The following RP1L1 variants were observed in gnomAD, a reference collection of about 807,000 sequenced individuals.
RP1L1 encodes the protein retinitis pigmentosa 1-like 1 protein.
RP1L1 carries 27 observed loss-of-function variants against 15.7 expected under a neutral mutation model. That is an observed-to-expected ratio of 1.72 (90% CI 1.27 to 2.38). The LOEUF (loss-of-function observed/expected upper bound fraction) is 2.38, where lower values mean the gene tolerates loss of function less well. Ranked by LOEUF, RP1L1 falls within the 30% of genes most tolerant of loss-of-function variation. The pLI, the probability that RP1L1 is intolerant of heterozygous loss-of-function variation, is 0.00. For missense variants in RP1L1, 4,798 were observed against 3,075.9 expected, an observed-to-expected ratio of 1.56 and a Z score of -13.24; for synonymous variants, 1,813 against 1,276.7, an observed-to-expected ratio of 1.42 and a Z score of -8.96.
chr8:10,627,650 A>T (rs1207948564), intron 1 of RP1L1, among the ~76,000 whole-genome samples: 16 of 2,678 alleles, frequency 6.0e-3, no homozygotes, highest in African/African-American at 0.018. Context: ...ACGAGATATA[A>T]AAAAAAAAGT....
chr8:10,607,736 G>T lies in RP1L1; in HGVS notation c.6362C>A (p.Thr2121Asn), dbSNP rs1041793748. The T allele has an allele frequency of 6.3e-7, 1 of 1,599,106 alleles. No homozygotes were observed. The highest frequency in any genetic ancestry group is 1.1e-5 in the South Asian group (1 of 90,468). Reference protein sequence around the residue: ...QKAEGIEAPETEGEAQPESEG... With the variant: ...QKAEGIEAPENEGEAQPESEG... ...TGACTCTGGCTGGGCCTCCCCTTCA[G>T]TCTCTGGGGCCTCTATACCTTCTGC... The change falls in exon 4 of 4, where the codon ACT becomes AAT. Residue 2121 changes from threonine to asparagine, a missense_variant. Thr to Asn is a moderately conservative substitution (Grantham distance 65, BLOSUM62 0). Transcript: ENST00000382483.
chr8:10,607,159 GTCTT>G lies in RP1L1; in HGVS notation c.6935_6938del (p.Lys2312ThrfsTer86). ...CTCCAAGTACATGGTCATTTTCTGAGTCTTTCTGCCAGCAGTTGCCCCAAGAGGA... is the reference window on the plus strand; with the variant it reads ...CTCCAAGTACATGGTCATTTTCTGAGTCTGCCAGCAGTTGCCCCAAGAGGA... On this transcript the variant is annotated frameshift_variant, in exon 4 of 4. Transcript: ENST00000382483. LOFTEE classifies it low-confidence loss of function (END_TRUNC). 6.2e-7 allele frequency: 1 copy of G among 1,614,218 alleles called. No homozygotes were observed.
chr8:10,632,246 T>G (rs1280821537), intron 1 of RP1L1, among the ~76,000 whole-genome samples: 1 of 152,190 alleles, frequency 6.6e-6, no homozygotes. Context: ...CTGCTTAGAT[T>G]TAGCTATAAC....
intron 1 of RP1L1, among the ~76,000 whole-genome samples, chr8:10,629,948 G>C (rs772960435): frequency 6.6e-5 from 10 of 152,150 alleles, no homozygotes; most frequent in South Asian, 2.1e-4. Context: ...ACACCACGTA[G>C]GCATCAAGGT....
rs1201636110 is a variant in RP1L1 at position 10,612,681 on chromosome 8, G to A, written c.1417C>T (p.Pro473Ser). The A allele has an allele frequency of 1.2e-6, 2 of 1,602,598 alleles. No homozygotes were observed. The highest frequency in any genetic ancestry group is 3.3e-5 in the Admixed American group (2 of 59,910). ...TCCACCCCGTCCTCCGGGGTCCTGG[G>A]GCAGCAGGAGGACTCTGGCTCCGAG... ...EGSEPESSCCPRTPEDGVDSA... is the reference protein window; with the variant it reads ...EGSEPESSCCSRTPEDGVDSA... Residue 473 changes from proline (P) to serine (S), a missense_variant, in exon 4 of 4, where the codon CCC (proline) becomes TCC (serine). Physicochemically the swap from Pro to Ser is moderately conservative, Grantham distance 74. Transcript: ENST00000382483.
At position 10,607,102 on chromosome 8, in the gene RP1L1, C is replaced by A. The variant is rs747379325; in HGVS notation, c.6996G>T (p.Gly2332=). The change falls in exon 4 of 4, where the codon GGG becomes GGT. Residue 2332 remains glycine, a synonymous_variant. Coordinates refer to ENST00000382483, the MANE Select transcript of RP1L1 (RefSeq NM_178857.6). Reference sequence around the variant, plus strand: ...TGGCCTTCCTCTCTGCATGAGGGGTCCCCGTGGACTTGGCATCAGGGCTCC... The same window carrying A: ...TGGCCTTCCTCTCTGCATGAGGGGTACCCGTGGACTTGGCATCAGGGCTCC... The part of the protein sequence containing the change: ...DTRSPDAKST[G]TPHAERKATR... 1 of 1,614,164 alleles carries A rather than the reference C, an allele frequency of 6.2e-7. No homozygotes were observed. Among genetic ancestry groups the A allele is most frequent in the Admixed American group, 1.7e-5 (1 of 60,034 alleles).
In RP1L1 at chr8:10,609,860, GC is replaced by G. The variant is rs1299532391; in HGVS notation, c.4237del (p.Ala1413ProfsTer73). 1 of 1,613,438 alleles carries G rather than the reference GC, an allele frequency of 6.2e-7. No homozygotes were observed. The highest frequency in any genetic ancestry group is 1.7e-5 in the Admixed American group (1 of 59,958). On this transcript the variant is annotated frameshift_variant, in exon 4 of 4. Coordinates refer to ENST00000382483, the MANE Select transcript of RP1L1 (RefSeq NM_178857.6). LOFTEE classifies it low-confidence loss of function (END_TRUNC). ...GGAGCCTTTCCCATCCGGAGAGCTG[GC>G]CTCTGACAATTCCTGCCCGTGGACG... is the stretch of plus-strand genomic sequence containing the variant. Reference protein sequence around the residue: ...GSVHGQELSEASSPDGKGSQE... With the variant: ...GSVHGQELSEXSSPDGKGSQE...
At chr8:10,627,641 C>T (rs554655751) in intron 1 of RP1L1, among the ~76,000 whole-genome samples, 7 of 55,496 alleles carry the variant, frequency 1.3e-4, no homozygotes, top group South Asian at 7.9e-4. Context: ...TATCACAATA[C>T]GAGATATAAA....
In RP1L1 at chr8:10,611,456, G is replaced by A. The variant is rs1304743458; in HGVS notation, c.2642C>T (p.Ala881Val). 5 of 1,571,234 alleles carry A rather than the reference G, an allele frequency of 3.2e-6. No homozygotes were observed. The highest frequency in any genetic ancestry group is 1.3e-5 in the African/African-American group (1 of 74,360). ...GSTGSSHQSTARGPGGSPQEG... is the reference protein window; with the variant it reads ...GSTGSSHQSTVRGPGGSPQEG... ...CTGCGGGCTCCCACCTGGCCCCCGG[G>A]CAGTGCTTTGGTGGCTGCTGCCGGT... Residue 881 changes from alanine to valine, a missense_variant, in exon 4 of 4, where the codon GCC (alanine) becomes GTC (valine). By Grantham distance (64) the Ala-to-Val change is moderately conservative. Coordinates refer to ENST00000382483, the MANE Select transcript of RP1L1 (RefSeq NM_178857.6).
At chr8:10,615,496 G>A (rs1467848456) in intron 3 of RP1L1, among the ~76,000 whole-genome samples, 2 of 152,176 alleles carry the variant, frequency 1.3e-5, no homozygotes, top group African/African-American at 4.8e-5. Flanking sequence ...TGCAACGCCA[G>A]GCACACGGCC....
rs976210041 is a variant in RP1L1 at position 10,629,620 on chromosome 8, G to A, written c.-19-6400C>T. ...AATCAACAATTGCATTTTATTGTCA[G>A]CAACAGAGACCCTCCCCATAAATGA... is the stretch of plus-strand genomic sequence containing the variant. On this transcript the variant is annotated intron_variant, in intron 1 of 3. Coordinates refer to ENST00000382483, the MANE Select transcript of RP1L1 (RefSeq NM_178857.6). Among the ~76,000 whole-genome samples the A allele has an allele frequency of 3.3e-5, 5 of 152,128 alleles. No individual in the cohort carries two copies. In the East Asian group the frequency reaches 5.8e-4, roughly 18 times the overall value.
intron 1 of RP1L1, among the ~76,000 whole-genome samples, chr8:10,626,090 G>GC (rs1439789602): frequency 6.6e-6 from 1 of 152,148 alleles, no homozygotes; most frequent in East Asian, 1.9e-4. Context: ...AGAGTTGACA[G>GC]CCCCTGTGGA....
Position 10,609,328 on chromosome 8 carries a change from A to T in RP1L1, c.4770T>A (p.Pro1590=). The part of the protein sequence containing the change: ...QGRAGRMVLE[P]PREALTGELL... Reference sequence around the variant, plus strand: ...GCTCCCCGGTGAGGGCCTCCCTTGGAGGCTCCAGCACCATCCTACCCGCCC... The same window carrying T: ...GCTCCCCGGTGAGGGCCTCCCTTGGTGGCTCCAGCACCATCCTACCCGCCC... Residue 1590 remains proline (P), a synonymous_variant, in exon 4 of 4, where the codon CCT becomes CCA. Coordinates refer to ENST00000382483, the MANE Select transcript of RP1L1 (RefSeq NM_178857.6). 1 of 1,611,878 alleles carries T rather than the reference A, an allele frequency of 6.2e-7. No homozygotes were observed. Among genetic ancestry groups the T allele is most frequent in the Non-Finnish European group, 8.5e-7 (1 of 1,179,782 alleles).
Position 10,609,839 on chromosome 8 carries a change from C to A in RP1L1, c.4259G>T (p.Gly1420Val). 3 of 1,614,100 alleles carry A rather than the reference C, an allele frequency of 1.9e-6. No homozygotes were observed. Among genetic ancestry groups the A allele is most frequent in the African/African-American group, 1.3e-5 (1 of 75,024 alleles). Residue 1420 changes from glycine (G) to valine (V), a missense_variant, in exon 4 of 4, where the codon GGC becomes GTC. Coordinates refer to ENST00000382483, the MANE Select transcript of RP1L1 (RefSeq NM_178857.6). Reference sequence around the variant, plus strand: ...CTGGACTGGGTCATCTTCCTGGGAGCCTTTCCCATCCGGAGAGCTGGCCTC... The same window carrying A: ...CTGGACTGGGTCATCTTCCTGGGAGACTTTCCCATCCGGAGAGCTGGCCTC... Reference protein sequence around the residue: ...LSEASSPDGKGSQEDDPVQEE... With the variant: ...LSEASSPDGKVSQEDDPVQEE...
chr8:10,627,272 T>C (rs954401562), intron 1 of RP1L1, among the ~76,000 whole-genome samples: 2 of 152,046 alleles, frequency 1.3e-5, no homozygotes, highest in African/African-American at 4.8e-5. Flanking sequence ...CAAAATGCGA[T>C]ATAGACAAAC....
intron 2 of RP1L1, chr8:10,621,499 T>C (rs1798058183): frequency 3.1e-6 from 1 of 321,146 alleles, no homozygotes; most frequent in African/African-American, 2.2e-5. Context: ...CTAATTTTTG[T>C]ATTTTTAGTA....
Position 10,620,374 on chromosome 8 carries a change from G to C in RP1L1, c.609+2219C>G, listed in dbSNP as rs528771670. On this transcript the variant is annotated intron_variant, in intron 2 of 3. Transcript: ENST00000382483. ...TAGTCTCAGCACTTTGGGAGGCCGAGGCAGATGAGTCACCTGAGGTCAGGA... is the reference window on the plus strand; with the variant it reads ...TAGTCTCAGCACTTTGGGAGGCCGACGCAGATGAGTCACCTGAGGTCAGGA... 3.9e-5 allele frequency among the ~76,000 whole-genome samples: 6 copies of C among 152,294 alleles called. 1 individual carries two copies. In the East Asian group the frequency reaches 1.2e-3, roughly 29 times the overall value.
At position 10,609,727 on chromosome 8, in the gene RP1L1, G is replaced by C. The variant is rs781386514; in HGVS notation, c.4371C>G (p.Leu1457=). 1 of 1,613,386 alleles carries C rather than the reference G, an allele frequency of 6.2e-7. No individual in the cohort carries two copies. The highest frequency in any genetic ancestry group is 1.7e-5 in the Admixed American group (1 of 60,028). Residue 1457 remains leucine, a synonymous_variant, in exon 4 of 4, where the codon CTC becomes CTG. Coordinates refer to ENST00000382483, the MANE Select transcript of RP1L1 (RefSeq NM_178857.6). ...TEEPTEPPSH[L]SETDPSASER... ...CGCTGGCACTTGGGTCCGTCTCGCT[G>C]AGATGACTAGGGGGCTCTGTGGGTT...
In RP1L1 at chr8:10,608,904, G is replaced by C; in HGVS notation, c.5194C>G (p.Pro1732Ala). Residue 1732 changes from proline (P) to alanine (A), a missense_variant, in exon 4 of 4, where the codon CCG (proline) becomes GCG (alanine). By Grantham distance (27) the Pro-to-Ala change is conservative. Transcript: ENST00000382483. ...ACTCCAGGCCCCTGGCTCAGCCCCG[G>C]CCCCAGCCCTCCCTCAGCTCCCTGG... ...TVQGAEGGLG[P>A]GLSQGPGVDE... The C allele has an allele frequency of 6.2e-7, 1 of 1,613,954 alleles. No homozygotes were observed. The highest frequency in any genetic ancestry group is 1.1e-5 in the South Asian group (1 of 91,082).
Sources: allele counts gnomAD v4.1 joint callset (sites outside exome capture counted in the v4.1 genomes callset), GRCh38; gene constraint gnomAD v4.1.1; transcripts MANE v1.5; gene names NCBI Gene and HGNC (gene_info 2026-07-23, HGNC 2026-07-21).